CSMD1: variants seen among roughly 807,000 people sequenced by gnomAD.
CSMD1 encodes the protein CUB and Sushi multiple domains 1, also known as CUB and sushi domain-containing protein 1.
Under a neutral mutation model 417.5 loss-of-function variants are expected in CSMD1, and 213 were observed. The ratio of observed to expected loss-of-function variants is 0.51; its 90% CI spans 0.46 to 0.57. CSMD1 has a LOEUF of 0.57. CSMD1 is among the 20% of genes least tolerant of loss of function. The pLI is 0.00. For synonymous variants in CSMD1, 2,862 were observed against 1,736.8 expected, an observed-to-expected ratio of 1.65 and a Z score of -16.11; for missense variants, 6,923 against 4,529.7, an observed-to-expected ratio of 1.53 and a Z score of -15.17.
intron 2 of CSMD1, among the ~76,000 whole-genome samples, chr8:4,634,151 T>C (rs925372452): frequency 2.6e-5 from 4 of 152,108 alleles, no homozygotes; most frequent in Non-Finnish European, 4.4e-5. Context: ...ATTTAGTTTA[T>C]TGATGGGTGC....
chr8:3,383,761 A>T (rs1013719925), intron 18 of CSMD1, among the ~76,000 whole-genome samples: 4 of 152,122 alleles, frequency 2.6e-5, no homozygotes, highest in Non-Finnish European at 2.9e-5. Flanking sequence ...AAAGAAAGAG[A>T]TGCTTTATAA....
rs183915169 is a variant in CSMD1 at position 4,720,656 on chromosome 8, G to A, written c.86-83098C>T. Among the ~76,000 whole-genome samples the A allele has an allele frequency of 2.4e-3, 363 of 152,212 alleles. 4 individuals carry two copies. The highest frequency in any genetic ancestry group is 7.1e-4 in the Non-Finnish European group (48 of 68,000). On this transcript the variant is annotated intron_variant, in intron 1 of 69. Transcript: ENST00000635120. The stretch of plus-strand genomic sequence containing the variant: ...GCTCTCCTCTCGAATTCCTAAACTC[G>A]ATTGATCCACCTGCCTTGGCTTCCC...
chr8:4,986,801 T>G, intron 1 of CSMD1, among the ~76,000 whole-genome samples: 1 of 149,678 alleles, frequency 6.7e-6, no homozygotes, highest in East Asian at 1.9e-4. Context: ...ATCTTCTGAA[T>G]TAATTGCACA....
At chr8:3,625,409 A>T (rs759677892) in intron 7 of CSMD1, among the ~76,000 whole-genome samples, 2 of 149,246 alleles carry the variant, frequency 1.3e-5, no homozygotes, top group African/African-American at 2.5e-5. Context: ...TTACATTGCC[A>T]GATTTTTTTG....
chr8:3,757,023 G>C (rs975657848), intron 5 of CSMD1, among the ~76,000 whole-genome samples: 1 of 152,120 alleles, frequency 6.6e-6, no homozygotes, highest in Non-Finnish European at 1.5e-5. Context: ...GACTGGTCTT[G>C]AACTCACAGC....
At chr8:3,665,351 A>C (rs1798631838) in intron 7 of CSMD1, among the ~76,000 whole-genome samples, 1 of 152,042 alleles carries the variant, frequency 6.6e-6, no homozygotes, top group African/African-American at 2.4e-5. Flanking sequence ...CCCATACGGC[A>C]ACACCCCATC....
intron 50 of CSMD1, among the ~76,000 whole-genome samples, chr8:3,042,607 T>G (rs1180571609): frequency 6.6e-6 from 1 of 152,082 alleles, no homozygotes; most frequent in East Asian, 1.9e-4. Flanking sequence ...AAAAGGACCA[T>G]CTTCAGTGCT....
intron 3 of CSMD1, among the ~76,000 whole-genome samples, chr8:4,351,567 A>C (rs1042198263): frequency 6.6e-6 from 1 of 152,234 alleles, no homozygotes; most frequent in Non-Finnish European, 1.5e-5. Flanking sequence ...TTTGGCTTTA[A>C]AATGCATGTT....
At chr8:3,993,582 C>G (rs1814925441) in intron 5 of CSMD1, among the ~76,000 whole-genome samples, 1 of 152,172 alleles carries the variant, frequency 6.6e-6, no homozygotes, top group Non-Finnish European at 1.5e-5. Context: ...GGTTACAAAA[C>G]TGTCACCCCA....
chr8:3,788,768 G>A (rs1019213273), intron 5 of CSMD1, among the ~76,000 whole-genome samples: 1 of 152,134 alleles, frequency 6.6e-6, no homozygotes, highest in Non-Finnish European at 1.5e-5. Flanking sequence ...ATTTCTGAAT[G>A]TGTGCATAAG....
At chr8:4,715,903 G>C (rs1458367279) in intron 1 of CSMD1, among the ~76,000 whole-genome samples, 1 of 152,150 alleles carries the variant, frequency 6.6e-6, no homozygotes, top group Non-Finnish European at 1.5e-5. Flanking sequence ...GGTTCCTCTA[G>C]AGTCTATTCT....
intron 3 of CSMD1, among the ~76,000 whole-genome samples, chr8:4,304,860 A>T (rs1461621203): frequency 2.0e-5 from 3 of 152,216 alleles, no homozygotes; most frequent in African/African-American, 7.2e-5. Context: ...ATTTCACCTT[A>T]ATCATTTCAC....
At chr8:3,892,364 T>A (rs1033513662) in intron 5 of CSMD1, among the ~76,000 whole-genome samples, 12 of 152,106 alleles carry the variant, frequency 7.9e-5, no homozygotes, top group African/African-American at 2.9e-4. Flanking sequence ...GGGGAACGTA[T>A]TATGCTTTCT....
At chr8:3,386,535 A>G (rs62503518) in intron 18 of CSMD1, among the ~76,000 whole-genome samples, 14,621 of 152,264 alleles carry the variant, frequency 0.096, 878 homozygotes, top group Non-Finnish European at 0.14. Flanking sequence ...ATCTGCAGTT[A>G]AGCAGAATTT....
At position 3,626,859 on chromosome 8, in the gene CSMD1, T is replaced by C. The variant is rs1168541347; in HGVS notation, c.1010-10062A>G. Among the ~76,000 whole-genome samples the C allele has an allele frequency of 8.7e-5, 13 of 149,540 alleles. No individual in the cohort carries two copies. The East Asian group carries it at 2.5e-3, about 29-fold the overall frequency. ...TAAATATATACAATAAATAAGTGTA[T>C]TTACATAAATACATAAATATAAGTA... On this transcript the variant is annotated intron_variant, in intron 7 of 69. Transcript: ENST00000635120.
chr8:4,108,051 GAGACAGAGACA>G (rs1563133505), intron 3 of CSMD1, among the ~76,000 whole-genome samples: 4 of 2,102 alleles, frequency 1.9e-3, no homozygotes, highest in African/African-American at 6.3e-3. Flanking sequence ...AAGAGAGACA[GAGACAGAGACA>G]GAGACAGAGA....
intron 2 of CSMD1, among the ~76,000 whole-genome samples, chr8:4,442,963 G>C (rs943023876): frequency 2.0e-5 from 3 of 152,062 alleles, no homozygotes; most frequent in African/African-American, 4.8e-5. Flanking sequence ...AGCACCACAG[G>C]TATCTCCAAA....
rs1413910912 is a variant in CSMD1, at chr8:2,997,727, G to A, written c.8377+284C>T. 3.3e-5 allele frequency among the ~76,000 whole-genome samples: 5 copies of A among 152,134 alleles called. No homozygotes were observed. The East Asian group carries it at 9.6e-4, about 29-fold the overall frequency. Reference sequence around the variant, plus strand: ...CCCCAAATGCTAACTATACAGGGTAGAAATAAATGTGTAAATACATGAATA... The same window carrying A: ...CCCCAAATGCTAACTATACAGGGTAAAAATAAATGTGTAAATACATGAATA... On this transcript the variant is annotated intron_variant, in intron 54 of 69. Transcript: ENST00000635120.
intron 3 of CSMD1, among the ~76,000 whole-genome samples, chr8:4,344,259 G>T: frequency 6.6e-6 from 1 of 152,040 alleles, no homozygotes; most frequent in East Asian, 1.9e-4. Context: ...ATCTTTACAC[G>T]TGTTCATTCA....
Sources: gnomAD v4.1 joint callset for allele counts (sites outside exome capture counted in the v4.1 genomes callset) on GRCh38, gnomAD v4.1.1 for gene constraint, MANE v1.5 for transcripts, NCBI Gene and HGNC (gene_info 2026-07-23, HGNC 2026-07-21) for gene names.